The following RBMS3 variants were observed in gnomAD, a reference collection of about 807,000 sequenced individuals.
RBMS3 encodes the protein RNA-binding motif, single-stranded-interacting protein 3.
In RBMS3, 27 loss-of-function variants were observed where a neutral mutation model predicts 66.8. The ratio of observed to expected loss-of-function variants is 0.40; its 90% CI spans 0.30 to 0.56. RBMS3 has a LOEUF of 0.56. Ranked by LOEUF, RBMS3 falls within the 20% of genes least tolerant of loss-of-function variation. The pLI is 0.40. For synonymous variants in RBMS3, 188 were observed against 183.0 expected (o/e 1.03, Z -0.22); for missense variants, 513 against 549.5 (o/e 0.93, Z 0.66).
chr3:29,710,190 T>C (rs1333123491), intron 4 of RBMS3, among the ~76,000 whole-genome samples: 1 of 152,230 alleles, frequency 6.6e-6, no homozygotes, highest in Non-Finnish European at 1.5e-5. Context: ...TGATTTGCCT[T>C]TTTGGATTTG....
At chr3:29,338,356 CA>C in intron 1 of RBMS3, among the ~76,000 whole-genome samples, 1 of 152,032 alleles carries the variant, frequency 6.6e-6, no homozygotes, top group South Asian at 2.1e-4. Context: ...AACTGAAGCA[CA>C]AAAAAAGAGT....
intron 3 of RBMS3, among the ~76,000 whole-genome samples, chr3:29,540,205 T>C (rs2045707496): frequency 6.6e-6 from 1 of 152,264 alleles, no homozygotes; most frequent in African/African-American, 2.4e-5. Flanking sequence ...ATATCTCATC[T>C]GTTCTTCAAA....
intron 1 of RBMS3, among the ~76,000 whole-genome samples, chr3:29,354,526 A>G (rs1252857311): frequency 6.6e-6 from 1 of 152,132 alleles, no homozygotes; most frequent in Admixed American, 6.6e-5. Flanking sequence ...AGACATAGAT[A>G]TAGATATTCT....
rs763542477 is a variant in RBMS3 at position 29,281,780 on chromosome 3, C to G, written c.75+24C>G. On this transcript the variant is annotated intron_variant, in intron 1 of 14. Transcript: ENST00000383767. The stretch of plus-strand genomic sequence containing the variant: ...AGGTATGGCTTGACCCACGGTCTGG[C>G]GATCAGCGTGGTATCGTTCTGCACT... The G allele has an allele frequency of 5.7e-6, 9 of 1,587,246 alleles. No individual in the cohort carries two copies. In the Admixed American group the frequency reaches 1.5e-4, roughly 27 times the overall value.
chr3:29,921,839 A>G (rs1323655876), intron 10 of RBMS3, among the ~76,000 whole-genome samples: 1 of 152,190 alleles, frequency 6.6e-6, no homozygotes, highest in South Asian at 2.1e-4. Context: ...TCCTTCCTAC[A>G]GTATGTTTTT....
At chr3:29,358,552 C>T (rs941859224) in intron 1 of RBMS3, among the ~76,000 whole-genome samples, 2 of 149,820 alleles carry the variant, frequency 1.3e-5, no homozygotes, top group African/African-American at 4.9e-5. Context: ...TCCATATGAA[C>T]TTTAAAGTAG....
chr3:29,972,185 A>AT (rs145595250), intron 12 of RBMS3, among the ~76,000 whole-genome samples: 2,371 of 147,258 alleles, frequency 0.016, 53 homozygotes, highest in African/African-American at 0.048. Flanking sequence ...TCTCCTTTCT[A>AT]TTTTTTTTTT....
chr3:29,654,524 G>A (rs1333884077), intron 4 of RBMS3, among the ~76,000 whole-genome samples: 2 of 1,626 alleles, frequency 1.2e-3, no homozygotes, highest in Non-Finnish European at 2.7e-3. Flanking sequence ...TTGGATTCGT[G>A]TGTGTGTGTG....
At chr3:29,686,135 A>G (rs2051722028) in intron 4 of RBMS3, among the ~76,000 whole-genome samples, 1 of 152,122 alleles carries the variant, frequency 6.6e-6, no homozygotes, top group Admixed American at 6.6e-5. Context: ...CTTCTATACC[A>G]AGACTCTCTG....
intron 3 of RBMS3, among the ~76,000 whole-genome samples, chr3:29,514,656 T>TATATATATATATATATATATATAC (rs2044543147): frequency 1.4e-5 from 2 of 137,976 alleles, no homozygotes; most frequent in Admixed American, 7.1e-5. Flanking sequence ...GGCACATATA[T>TATATATATATATATATATATATAC]ATATATATAT....
chr3:29,794,503 G>A (rs183347878), intron 6 of RBMS3, among the ~76,000 whole-genome samples: 39 of 152,144 alleles, frequency 2.6e-4, no homozygotes, highest in African/African-American at 8.2e-4. Context: ...GGAGAATGGC[G>A]TGAACCCGGG....
At chr3:29,891,902 C>T (rs2060009782) in intron 8 of RBMS3, among the ~76,000 whole-genome samples, 1 of 151,400 alleles carries the variant, frequency 6.6e-6, no homozygotes, top group South Asian at 2.1e-4. Context: ...ATGGTTCCAG[C>T]CCTAACAATA....
At chr3:29,764,368 T>G (rs2149385356) in intron 6 of RBMS3, among the ~76,000 whole-genome samples, 2 of 142,430 alleles carry the variant, frequency 1.4e-5, no homozygotes, top group African/African-American at 5.4e-5. Flanking sequence ...TGCCCTTGCA[T>G]TTTAGCAGAA....
At chr3:29,697,994 A>T (rs1282672204) in intron 4 of RBMS3, among the ~76,000 whole-genome samples, 1 of 152,196 alleles carries the variant, frequency 6.6e-6, no homozygotes, top group African/African-American at 2.4e-5. Flanking sequence ...TCCTTTTGTT[A>T]TACTGCTGAT....
intron 2 of RBMS3, among the ~76,000 whole-genome samples, chr3:29,448,918 A>G (rs930880910): frequency 6.6e-6 from 1 of 152,220 alleles, no homozygotes; most frequent in African/African-American, 2.4e-5. Context: ...TGAGAACTCA[A>G]ACCCAGACAT....
intron 4 of RBMS3, among the ~76,000 whole-genome samples, chr3:29,648,842 A>G (rs1177705088): frequency 6.6e-6 from 1 of 152,180 alleles, no homozygotes; most frequent in Admixed American, 6.5e-5. Context: ...TTATTCTTAC[A>G]TCATTCTCTT....
chr3:29,450,633 C>T (rs574635984), intron 2 of RBMS3, among the ~76,000 whole-genome samples: 9 of 152,096 alleles, frequency 5.9e-5, no homozygotes, highest in East Asian at 1.9e-4. Context: ...TTGAAATTAC[C>T]GCAAGGATAT....
chr3:29,812,968 A>G (rs1355164221), intron 6 of RBMS3, among the ~76,000 whole-genome samples: 3 of 152,022 alleles, frequency 2.0e-5, no homozygotes, highest in Non-Finnish European at 2.9e-5. Flanking sequence ...ATAAAATATT[A>G]TATATTATAT....
At chr3:29,759,346 C>T (rs1470782620) in intron 5 of RBMS3, among the ~76,000 whole-genome samples, 2 of 152,152 alleles carry the variant, frequency 1.3e-5, no homozygotes, top group African/African-American at 2.4e-5. Flanking sequence ...TCAGACCTAA[C>T]AGAAAACCCT....
Sources: gnomAD v4.1 joint callset for allele counts (sites outside exome capture counted in the v4.1 genomes callset) on GRCh38, gnomAD v4.1.1 for gene constraint, MANE v1.5 for transcripts, NCBI Gene and HGNC (gene_info 2026-07-23, HGNC 2026-07-21) for gene names.